RIF1: variants seen among roughly 807,000 people sequenced by gnomAD.
The protein encoded by RIF1 is replication timing regulatory factor 1, also known as telomere-associated protein RIF1.
RIF1 carries 45 observed loss-of-function variants against 247.1 expected under a neutral mutation model. The ratio of observed to expected loss-of-function variants is 0.18; its 90% CI spans 0.14 to 0.23. The LOEUF is 0.23. RIF1 is among the 10% of genes least tolerant of loss of function. The pLI, the probability that RIF1 is intolerant of heterozygous loss-of-function variation, is 1.00. For synonymous variants in RIF1, 1,087 were observed against 978.8 expected (o/e 1.11, Z -2.06); for missense variants, 2,967 against 2,862.5 (o/e 1.04, Z -0.83).
the RIF1 span, chr2:151,514,404 C>G: frequency 6.2e-7 from 1 of 1,612,890 alleles, no homozygotes; most frequent in East Asian, 2.2e-5. Flanking sequence ...CGGATGCTTT[C>G]CTCTAGATCT....
In RIF1 at chr2:151,477,050, T is replaced by C. The variant is rs2048962793; in HGVS notation, c.*1979T>C. 1 of 152,230 alleles carries C rather than the reference T, an allele frequency of 6.6e-6. No individual in the cohort carries two copies. The highest frequency in any genetic ancestry group is 1.5e-5 in the Non-Finnish European group (1 of 68,044). The allele number at this position is 152,230 out of a possible 1,614,324, so 9.4% of individuals were successfully genotyped here. A position where few individuals can be genotyped will look rare whatever the true frequency, so the allele number is the denominator to read the frequency against. On this transcript the variant is annotated 3_prime_UTR_variant, in exon 36 of 36. Coordinates refer to ENST00000444746, the MANE Select transcript of RIF1 (RefSeq NM_018151.5). ...TCACTGAATTTTATATAAGCACAAG[T>C]ATTAATTTTAAAAACATTATAGTTT...
intron 30 of RIF1, among the ~76,000 whole-genome samples, chr2:151,466,769 C>G (rs1226540218): frequency 6.6e-6 from 1 of 152,204 alleles, no homozygotes; most frequent in Non-Finnish European, 1.5e-5. Flanking sequence ...CTCAACTTGT[C>G]TTATACTTAA....
At chr2:151,447,598 T>C (rs541188568) in intron 20 of RIF1, among the ~76,000 whole-genome samples, 2 of 152,354 alleles carry the variant, frequency 1.3e-5, no homozygotes, top group African/African-American at 4.8e-5. Context: ...CAGGCTTGAG[T>C]GCAGTGGCAC....
At chr2:151,518,300 C>T in the RIF1 span, 6 of 1,532,498 alleles carry the variant, frequency 3.9e-6, no homozygotes, top group East Asian at 2.3e-5. Context: ...GAGGAAAAAT[C>T]GGTCTTGATC....
rs757815214 is a variant in RIF1, at chr2:151,438,745, A to C, written c.1545A>C (p.Ser515=). The C allele has an allele frequency of 6.2e-7, 1 of 1,601,864 alleles. No homozygotes were observed. Among genetic ancestry groups the C allele is most frequent in the Admixed American group, 1.7e-5 (1 of 59,988 alleles). Residue 515 remains serine, a splice_region_variant and synonymous_variant, in exon 14 of 36, where the codon TCA becomes TCC. Transcript: ENST00000444746. ...GCTTGGTGAAGTCAGTTACTGAATC[A>C]GGTAAGCACTATTACACTGATCAAA... ...LISLVKSVTE[S]GNKKEKPGSE...
chr2:151,420,418 A>C, intron 7 of RIF1, 39 bp downstream of exon 7: 1 of 1,592,830 alleles, frequency 6.3e-7, no homozygotes, highest in Non-Finnish European at 8.6e-7. Context: ...TGGATACTGC[A>C]TCGGAAGGTT....
In RIF1 at chr2:151,463,250, T is replaced by A; in HGVS notation, c.3730T>A (p.Ser1244Thr). ...PFSPSPLNNISSTVTVKNNQE... is the reference protein window; with the variant it reads ...PFSPSPLNNITSTVTVKNNQE... Reference sequence around the variant, plus strand: ...TAGTCCATCCCCCTTGAATAATATTTCATCAACTGTTACAGTGAAAAATAA... The same window carrying A: ...TAGTCCATCCCCCTTGAATAATATTACATCAACTGTTACAGTGAAAAATAA... The change falls in exon 30 of 36, where the codon TCA (serine) becomes ACA (threonine). Residue 1244 changes from serine (S) to threonine (T), a missense_variant. Ser to Thr is a moderately conservative substitution (Grantham distance 58, BLOSUM62 1). Transcript: ENST00000444746. 6.2e-7 allele frequency: 1 copy of A among 1,613,700 alleles called. No individual in the cohort carries two copies. The highest frequency in any genetic ancestry group is 8.5e-7 in the Non-Finnish European group (1 of 1,179,866).
downstream of RIF1, chr2:151,485,805 A>T (rs767629927): frequency 6.2e-7 from 1 of 1,613,708 alleles, no homozygotes; most frequent in Non-Finnish European, 8.5e-7. Flanking sequence ...CGGTCCTGCC[A>T]GTCCTCTGCA....
At position 151,433,084 on chromosome 2, in the gene RIF1, A is replaced by G. The variant is rs1231939322; in HGVS notation, c.933A>G (p.Leu311=). 4 of 1,612,220 alleles carry G rather than the reference A, an allele frequency of 2.5e-6. No homozygotes were observed. The highest frequency in any genetic ancestry group is 2.2e-5 in the East Asian group (1 of 44,796). Residue 311 remains leucine (L), a synonymous_variant, in exon 10 of 36, where the codon CTA becomes CTG. Coordinates refer to ENST00000444746, the MANE Select transcript of RIF1 (RefSeq NM_018151.5). ...TGCTTATTTTCTTTTAAGATATACT[A>G]TGTAGTGCAAAAAGACTCAAGTTGT... ...IDNFALNPDI[L]CSAKRLKLLM... is the part of the protein sequence containing the mutation.
Position 151,479,357 on chromosome 2 carries a change from A to T in RIF1, c.*4286A>T. ...AGAATTTCAAGTTATAAAGAATCTT[A>T]TTGATAAGGCAAAGTAGACAAAGTA... On this transcript the variant is annotated 3_prime_UTR_variant, in exon 36 of 36. Coordinates refer to ENST00000444746, the MANE Select transcript of RIF1 (RefSeq NM_018151.5). 1 of 152,318 alleles carries T rather than the reference A, an allele frequency of 6.6e-6. No individual in the cohort carries two copies. The highest frequency in any genetic ancestry group is 1.5e-5 in the Non-Finnish European group (1 of 68,028). 9.4% of individuals were successfully genotyped at this position (152,318 alleles called of 1,614,324 possible).
At chr2:151,426,194 A>ATTTTCT (rs1689066599) in intron 8 of RIF1, among the ~76,000 whole-genome samples, 1 of 12,518 alleles carries the variant, frequency 8.0e-5, no homozygotes, top group Non-Finnish European at 2.2e-4. Flanking sequence ...TTTTTTTTTG[A>ATTTTCT]GCTGGAGACT....
rs765639875 is a variant in RIF1, at chr2:151,428,733, T to C, written c.787-51T>C. On this transcript the variant is annotated intron_variant, in intron 8 of 35. Transcript: ENST00000444746. ...ATGAATAAAGGAATGATAGCAATTA[T>C]TCTGTTTCATGCAGATAAATAACTT... 8 of 1,402,996 alleles carry C rather than the reference T, an allele frequency of 5.7e-6. 1 individual carries two copies. Among genetic ancestry groups the C allele is most frequent in the South Asian group, 2.3e-5 (2 of 85,694 alleles). The allele number at this position is 1,402,996 out of a possible 1,614,324, so 86.9% of individuals were successfully genotyped here.
chr2:151,412,333 C>A (rs2152073923), intron 3 of RIF1, among the ~76,000 whole-genome samples: 1 of 150,524 alleles, frequency 6.6e-6, no homozygotes, highest in South Asian at 2.1e-4. Flanking sequence ...TGACCTTGTT[C>A]TTGTGCTTTT....
chr2:151,493,720 C>T, intron 9 of RIF1: 1 of 1,306,984 alleles, frequency 7.7e-7, no homozygotes, highest in South Asian at 1.3e-5. Flanking sequence ...GTGGTACAAC[C>T]ATGTTTGCCA....
chr2:151,465,206 A>T lies in RIF1; in HGVS notation c.5686A>T (p.Asn1896Tyr). The change falls in exon 30 of 36, where the codon AAT (asparagine) becomes TAT (tyrosine). Residue 1896 changes from asparagine (N) to tyrosine (Y), a missense_variant. By Grantham distance (143) the Asn-to-Tyr change is moderately radical (BLOSUM62 -2). Coordinates refer to ENST00000444746, the MANE Select transcript of RIF1 (RefSeq NM_018151.5). ...CCCAAAAATGGAACTGAGTCTAGAG[A>T]ATGTTACTGTTGAAGGAAATGCATG... ...ETPKMELSLE[N>Y]VTVEGNACKV... 6.2e-7 allele frequency: 1 copy of T among 1,612,154 alleles called. No individual in the cohort carries two copies. The highest frequency in any genetic ancestry group is 8.5e-7 in the Non-Finnish European group (1 of 1,179,600).
chr2:151,454,780 G>A lies in RIF1; in HGVS notation c.2345-115G>A, dbSNP rs1368759945. Reference sequence around the variant, plus strand: ...TTGTTTGGGGTGTCAGTCAGCAAACGGACATGTATTTGATGTATCTAACAT... The same window carrying A: ...TTGTTTGGGGTGTCAGTCAGCAAACAGACATGTATTTGATGTATCTAACAT... On this transcript the variant is annotated intron_variant, in intron 21 of 35. Coordinates refer to ENST00000444746, the MANE Select transcript of RIF1 (RefSeq NM_018151.5). 1.2e-4 allele frequency: 80 copies of A among 667,360 alleles called. No individual in the cohort carries two copies. In the Admixed American group the frequency reaches 2.6e-3, roughly 22 times the overall value. The allele number at this position is 667,360 out of a possible 1,614,324, so 41.3% of individuals were successfully genotyped here. A position where few individuals can be genotyped will look rare whatever the true frequency, so the allele number is the denominator to read the frequency against.
At chr2:151,527,555 T>C in the RIF1 span, 1 of 1,613,196 alleles carries the variant, frequency 6.2e-7, no homozygotes. Flanking sequence ...CAGTGGGCTT[T>C]GTTGGCTTCG....
chr2:151,521,643 C>T, the RIF1 span, among the ~76,000 whole-genome samples: 7 of 152,184 alleles, frequency 4.6e-5, no homozygotes, highest in Non-Finnish European at 7.4e-5. Flanking sequence ...TAAAAGTCCT[C>T]CTTCTGTCTT....
chr2:151,422,769 A>G (rs80167808), intron 7 of RIF1, among the ~76,000 whole-genome samples, 181 bp from the exon 8 acceptor site: 58,753 of 151,208 alleles, frequency 0.39, 11,444 homozygotes, highest in East Asian at 0.44. Flanking sequence ...CTCCTGCCTC[A>G]GCCTCCCAAA....
Sources: allele counts gnomAD v4.1 joint callset (sites outside exome capture counted in the v4.1 genomes callset), GRCh38; gene constraint gnomAD v4.1.1; transcripts MANE v1.5; gene names NCBI Gene and HGNC (gene_info 2026-07-23, HGNC 2026-07-21).